Variants in SAMD12 observed in about 807,000 individuals in gnomAD.
SAMD12 encodes sterile alpha motif domain-containing protein 12.
SAMD12 carries 9 observed loss-of-function variants against 15.0 expected under a neutral mutation model. That is an observed-to-expected ratio of 0.60 (90% confidence interval 0.36 to 1.05). The LOEUF (loss-of-function observed/expected upper bound fraction) is 1.05. Among genes scored for constraint, SAMD12 ranks in the 50% least tolerant of loss-of-function variants. The pLI, the probability that SAMD12 is intolerant of heterozygous loss-of-function variation, is 0.01. For missense variants in SAMD12, 230 were observed against 234.2 expected (o/e 0.98, Z 0.12); for synonymous variants, 86 against 90.1 (o/e 0.96, Z 0.25).
chr8:118,191,080 A>G (rs1047250997), exon 5 of SAMD12: 3 of 152,212 alleles, frequency 2.0e-5, no homozygotes, highest in Non-Finnish European at 4.4e-5. Flanking sequence ...GTATGATTTA[A>G]TGATACAAGA....
chr8:118,447,674 T>C (rs1027612779), intron 2 of SAMD12, among the ~76,000 whole-genome samples: 2 of 150,074 alleles, frequency 1.3e-5, no homozygotes, highest in Non-Finnish European at 3.0e-5. Context: ...GATGTCATCT[T>C]TCATTTTATT....
At chr8:118,161,058 C>T in the SAMD12 span, among the ~76,000 whole-genome samples, 1 of 151,998 alleles carries the variant, frequency 6.6e-6, no homozygotes, top group Non-Finnish European at 1.5e-5. Flanking sequence ...GTTTTTTGTC[C>T]TTGCGATAGT....
chr8:118,289,791 A>C (rs1191086872), intron 4 of SAMD12, among the ~76,000 whole-genome samples: 1 of 152,196 alleles, frequency 6.6e-6, no homozygotes, highest in African/African-American at 2.4e-5. Flanking sequence ...TGTGCTCTTA[A>C]TTAATTTAAA....
intron 2 of SAMD12, among the ~76,000 whole-genome samples, chr8:118,482,562 C>T (rs1215544851): frequency 6.6e-6 from 1 of 152,104 alleles, no homozygotes; most frequent in Non-Finnish European, 1.5e-5. Flanking sequence ...TTATACACCA[C>T]TTACACTATA....
intron 1 of SAMD12, among the ~76,000 whole-genome samples, chr8:118,604,832 G>A (rs1235805566): frequency 6.6e-6 from 1 of 152,136 alleles, no homozygotes; most frequent in Non-Finnish European, 1.5e-5. Flanking sequence ...TGAGGCAGGA[G>A]AATGGCATGA....
intron 4 of SAMD12, among the ~76,000 whole-genome samples, chr8:118,220,480 G>A (rs944011724): frequency 4.6e-5 from 7 of 152,074 alleles, no homozygotes; most frequent in Non-Finnish European, 8.8e-5. Flanking sequence ...TTAAAGAAAC[G>A]TACATTTTAA....
chr8:118,249,060 C>T (rs145373410), intron 4 of SAMD12, among the ~76,000 whole-genome samples: 2,285 of 152,224 alleles, frequency 0.015, 37 homozygotes, highest in Non-Finnish European at 0.019. Context: ...ATATAACCTA[C>T]TCACATCCTC....
the SAMD12 span, among the ~76,000 whole-genome samples, chr8:118,132,963 T>TGG: frequency 6.8e-3 from 413 of 60,510 alleles, 31 homozygotes; most frequent in Middle Eastern, 6.8e-3. Flanking sequence ...CTAACATATG[T>TGG]GTGTGTGTGT....
chr8:118,286,438 A>G (rs1814023600), intron 4 of SAMD12, among the ~76,000 whole-genome samples: 1 of 152,116 alleles, frequency 6.6e-6, no homozygotes, highest in African/African-American at 2.4e-5. Flanking sequence ...CCTGTTTCTC[A>G]GCAATCTCTC....
intron 2 of SAMD12, among the ~76,000 whole-genome samples, chr8:118,502,403 G>T (rs886820492): frequency 6.6e-6 from 1 of 152,120 alleles, no homozygotes; most frequent in Non-Finnish European, 1.5e-5. Context: ...ATTTCTGCAT[G>T]TTGTTTCCCT....
At chr8:118,257,652 C>A (rs1344634349) in intron 4 of SAMD12, among the ~76,000 whole-genome samples, 1 of 152,076 alleles carries the variant, frequency 6.6e-6, no homozygotes, top group Non-Finnish European at 1.5e-5. Flanking sequence ...TGAGGATCAT[C>A]TGCTACCAGG....
intron 4 of SAMD12, among the ~76,000 whole-genome samples, chr8:118,357,405 T>A (rs887736810): frequency 3.3e-5 from 5 of 152,106 alleles, no homozygotes; most frequent in Non-Finnish European, 7.4e-5. Context: ...ATCCAGCTAA[T>A]TTTTGTATTT....
intron 4 of SAMD12, among the ~76,000 whole-genome samples, chr8:118,356,659 C>G (rs983626271): frequency 1.3e-4 from 20 of 152,184 alleles, no homozygotes; most frequent in Admixed American, 9.8e-4. Context: ...TGCTCGGTTT[C>G]TATTTTCATA....
At chr8:118,463,056 G>T (rs10094604) in intron 2 of SAMD12, among the ~76,000 whole-genome samples, 64,296 of 141,540 alleles carry the variant, frequency 0.45, 16,533 homozygotes, top group Admixed American at 0.59. Context: ...AGTCGAGATC[G>T]CGCCACTGCA....
chr8:118,294,286 C>G (rs1256793061), intron 4 of SAMD12, among the ~76,000 whole-genome samples: 1 of 152,178 alleles, frequency 6.6e-6, no homozygotes, highest in Non-Finnish European at 1.5e-5. Context: ...AGCACTGGAG[C>G]CTGACTGTAC....
intron 2 of SAMD12, among the ~76,000 whole-genome samples, chr8:118,459,757 T>C (rs1162881430): frequency 6.6e-6 from 1 of 152,240 alleles, no homozygotes; most frequent in Non-Finnish European, 1.5e-5. Context: ...TACCGTTCTC[T>C]GTAGAATAAC....
chr8:118,490,084 C>T (rs1824400438), intron 2 of SAMD12, among the ~76,000 whole-genome samples: 1 of 152,084 alleles, frequency 6.6e-6, no homozygotes, highest in Non-Finnish European at 1.5e-5. Flanking sequence ...TTGTTAAGTT[C>T]TTACTATCAT....
chr8:118,435,792 A>G (rs551812850), intron 3 of SAMD12, among the ~76,000 whole-genome samples: 10 of 152,362 alleles, frequency 6.6e-5, no homozygotes, highest in African/African-American at 2.2e-4. Context: ...TCATACAAAT[A>G]TGGAAGTGAA....
chr8:118,300,707 T>C (rs1173729256), intron 4 of SAMD12, among the ~76,000 whole-genome samples: 1 of 152,196 alleles, frequency 6.6e-6, no homozygotes, highest in Non-Finnish European at 1.5e-5. Flanking sequence ...GCGATTCCAA[T>C]GTACATTAGA....
Sources: allele counts gnomAD v4.1 joint callset (sites outside exome capture counted in the v4.1 genomes callset), GRCh38; gene constraint gnomAD v4.1.1; transcripts MANE v1.5; gene names NCBI Gene and HGNC (gene_info 2026-07-23, HGNC 2026-07-21).